The following LRRC4C variants were observed in gnomAD, a reference collection of about 807,000 sequenced individuals.
LRRC4C encodes the protein leucine rich repeat containing 4C.
In LRRC4C, 5 loss-of-function variants were observed where a neutral mutation model predicts 33.6. The observed-to-expected ratio is 0.15, with a 90% CI of 0.08 to 0.31. LRRC4C has a LOEUF of 0.31. Ranked by LOEUF, LRRC4C falls within the 10% of genes least tolerant of loss-of-function variation. The pLI is 1.00. For missense variants in LRRC4C, 560 were observed against 796.7 expected, an observed-to-expected ratio of 0.70 and a Z score of 3.58; for synonymous variants, 329 against 302.0, an observed-to-expected ratio of 1.09 and a Z score of -0.93.
intron 2 of LRRC4C, among the ~76,000 whole-genome samples, chr11:40,882,105 G>A (rs1955207907): frequency 6.6e-6 from 1 of 152,022 alleles, no homozygotes; most frequent in African/African-American, 2.4e-5. Flanking sequence ...GATTATAAAT[G>A]AGTATTGGGA....
At chr11:41,398,861 G>A (rs1238944471) in intron 1 of LRRC4C, among the ~76,000 whole-genome samples, 1 of 151,800 alleles carries the variant, frequency 6.6e-6, no homozygotes, top group African/African-American at 2.4e-5. Context: ...GCTCTATAGG[G>A]AAGTTGTGTA....
chr11:41,169,743 C>A (rs769872785), intron 1 of LRRC4C, among the ~76,000 whole-genome samples: 2 of 152,090 alleles, frequency 1.3e-5, no homozygotes, highest in Non-Finnish European at 2.9e-5. Flanking sequence ...CAGATAGCAA[C>A]TGAAAAGTAG....
At chr11:40,160,570 G>A (rs1859070772) in intron 5 of LRRC4C, among the ~76,000 whole-genome samples, 1 of 152,174 alleles carries the variant, frequency 6.6e-6, no homozygotes, top group African/African-American at 2.4e-5. Flanking sequence ...GAGGGAATCT[G>A]AAAGTATTTC....
At chr11:40,421,755 T>A (rs1335270303) in intron 3 of LRRC4C, among the ~76,000 whole-genome samples, 2 of 152,162 alleles carry the variant, frequency 1.3e-5, no homozygotes, top group Admixed American at 6.5e-5. Context: ...ACTGGACCAA[T>A]TAAGATTTCC....
intron 1 of LRRC4C, among the ~76,000 whole-genome samples, chr11:41,001,130 TA>T (rs1229682112): frequency 1.1e-4 from 17 of 151,920 alleles, no homozygotes; most frequent in South Asian, 6.2e-4. Context: ...TTTGACTGAT[TA>T]AAAAAAAGAT....
chr11:40,307,940 C>T (rs1945120859), intron 4 of LRRC4C, among the ~76,000 whole-genome samples: 1 of 152,156 alleles, frequency 6.6e-6, no homozygotes, highest in African/African-American at 2.4e-5. Flanking sequence ...TCTCTTTGCA[C>T]ATGTAGGAAC....
At chr11:41,215,746 T>C (rs1287506558) in intron 1 of LRRC4C, among the ~76,000 whole-genome samples, 1 of 152,188 alleles carries the variant, frequency 6.6e-6, no homozygotes, top group African/African-American at 2.4e-5. Context: ...ATTTTGTATA[T>C]CCATTCATCT....
At position 40,188,860 on chromosome 11, in the gene LRRC4C, T is replaced by G. The variant is rs1425864906; in HGVS notation, c.-95-48007A>C. ...ACAGTTGACATAAAAGCTTTCTTTG[T>G]GCACACCTATGCAAGTCTTTGATAT... On this transcript the variant is annotated intron_variant, in intron 5 of 6. Coordinates refer to ENST00000528697, the MANE Select transcript of LRRC4C (RefSeq NM_001258419.2). Among the ~76,000 whole-genome samples, 3 of 152,242 alleles carry G rather than the reference T, an allele frequency of 2.0e-5. No homozygotes were observed. In the East Asian group the frequency reaches 5.8e-4, roughly 29 times the overall value.
intron 2 of LRRC4C, among the ~76,000 whole-genome samples, chr11:40,649,737 T>C (rs1042997903): frequency 6.6e-6 from 1 of 152,228 alleles, no homozygotes; most frequent in Non-Finnish European, 1.5e-5. Context: ...CAATTTATGT[T>C]CAGAGATTGA....
intron 1 of LRRC4C, among the ~76,000 whole-genome samples, chr11:41,355,453 C>T (rs893915556): frequency 1.3e-5 from 2 of 152,046 alleles, no homozygotes; most frequent in Non-Finnish European, 2.9e-5. Flanking sequence ...ACAATTTAAA[C>T]ATATTTATAC....
intron 3 of LRRC4C, among the ~76,000 whole-genome samples, chr11:40,434,508 G>C (rs769869290): frequency 6.6e-6 from 1 of 152,186 alleles, no homozygotes; most frequent in Non-Finnish European, 1.5e-5. Context: ...AAGTAGAAAG[G>C]CCTGGACAGT....
At chr11:41,231,070 TCTCATGTCA>T (rs1947770779) in intron 1 of LRRC4C, among the ~76,000 whole-genome samples, 1 of 151,988 alleles carries the variant, frequency 6.6e-6, no homozygotes, top group African/African-American at 2.4e-5. Context: ...TGAGATACCA[TCTCATGTCA>T]GTTAGAATGG....
chr11:41,167,777 C>T (rs984749232), intron 1 of LRRC4C, among the ~76,000 whole-genome samples: 4 of 152,162 alleles, frequency 2.6e-5, no homozygotes, highest in Admixed American at 6.5e-5. Flanking sequence ...TCACACTCCC[C>T]AGTCATGATG....
intron 3 of LRRC4C, among the ~76,000 whole-genome samples, chr11:40,620,976 G>GT (rs887154652): frequency 2.6e-5 from 4 of 151,742 alleles, no homozygotes; most frequent in Admixed American, 6.6e-5. Flanking sequence ...CTACAAGCTT[G>GT]TTTTTTTCTG....
At chr11:41,336,867 A>G (rs1294082496) in intron 1 of LRRC4C, among the ~76,000 whole-genome samples, 1 of 152,124 alleles carries the variant, frequency 6.6e-6, no homozygotes, top group Non-Finnish European at 1.5e-5. Context: ...CATGGACACC[A>G]TCTCATTTAA....
At chr11:41,022,142 T>TATA (rs1565309607) in intron 1 of LRRC4C, among the ~76,000 whole-genome samples, 95 of 139,068 alleles carry the variant, frequency 6.8e-4, no homozygotes, top group Middle Eastern at 3.7e-3. Context: ...CAATTTTGTT[T>TATA]TATATATATA....
chr11:40,871,595 C>T (rs532540351), intron 2 of LRRC4C, among the ~76,000 whole-genome samples: 3 of 152,138 alleles, frequency 2.0e-5, no homozygotes, highest in South Asian at 4.1e-4. Flanking sequence ...CATTTTGTAT[C>T]CGTTTATGCA....
At chr11:41,337,165 C>G (rs1293809916) in intron 1 of LRRC4C, among the ~76,000 whole-genome samples, 2 of 152,010 alleles carry the variant, frequency 1.3e-5, no homozygotes, top group Admixed American at 6.6e-5. Context: ...CTGACTCAGC[C>G]TTCCAAGTAG....
chr11:40,219,394 T>A (rs898593524), intron 5 of LRRC4C, among the ~76,000 whole-genome samples: 1 of 152,210 alleles, frequency 6.6e-6, no homozygotes, highest in African/African-American at 2.4e-5. Context: ...TCCACCCATG[T>A]CTACCCTACG....
Sources: allele counts gnomAD v4.1 joint callset (sites outside exome capture counted in the v4.1 genomes callset), GRCh38; gene constraint gnomAD v4.1.1; transcripts MANE v1.5; gene names NCBI Gene and HGNC (gene_info 2026-07-23, HGNC 2026-07-21).